PTPRN2: variants seen among roughly 807,000 people sequenced by gnomAD.
PTPRN2 encodes the protein receptor-type tyrosine-protein phosphatase N2.
A neutral mutation model predicts 118.8 loss-of-function variants in PTPRN2; 74 were observed. The ratio of observed to expected loss-of-function variants is 0.62; its 90% CI spans 0.52 to 0.76. The LOEUF (loss-of-function observed/expected upper bound fraction) is 0.76, where lower values mean the gene tolerates loss of function less well. Ranked by LOEUF, PTPRN2 falls within the 30% of genes least tolerant of loss-of-function variation. The pLI, the probability that PTPRN2 is intolerant of heterozygous loss-of-function variation, is 0.00. For missense variants in PTPRN2, 1,481 were observed against 1,394.4 expected, an observed-to-expected ratio of 1.06 and a Z score of -0.99; for synonymous variants, 641 against 608.0, an observed-to-expected ratio of 1.05 and a Z score of -0.80.
intron 12 of PTPRN2, among the ~76,000 whole-genome samples, chr7:157,791,865 G>A (rs915358940): frequency 1.4e-4 from 22 of 152,262 alleles, no homozygotes; most frequent in African/African-American, 5.3e-4. Flanking sequence ...CACGCTCGGA[G>A]CGCACCCAAG....
chr7:158,363,113 T>A (rs1383229645), intron 2 of PTPRN2, among the ~76,000 whole-genome samples: 1 of 152,136 alleles, frequency 6.6e-6, no homozygotes, highest in African/African-American at 2.4e-5. Context: ...GAAAGCCCTT[T>A]CCCTGGGGCC....
intron 2 of PTPRN2, among the ~76,000 whole-genome samples, chr7:158,412,726 C>A (rs113944362): frequency 8.1e-6 from 1 of 123,198 alleles, no homozygotes; most frequent in Non-Finnish European, 1.7e-5. Context: ...GCCCATCCAG[C>A]GCCCTCCTCA....
intron 2 of PTPRN2, among the ~76,000 whole-genome samples, chr7:158,363,712 G>A (rs1404003137): frequency 6.6e-6 from 1 of 152,194 alleles, no homozygotes; most frequent in Non-Finnish European, 1.5e-5. Flanking sequence ...GAGCTCTGAG[G>A]TGAGAGAGCC....
intron 9 of PTPRN2, among the ~76,000 whole-genome samples, chr7:158,132,244 A>G (rs777490697): frequency 1.5e-4 from 22 of 151,704 alleles, no homozygotes; most frequent in Non-Finnish European, 2.4e-4. Flanking sequence ...TACGGATAAC[A>G]CATCTACCCG....
At chr7:157,683,001 GTCTC>G in intron 12 of PTPRN2, 64 bp from the exon 13 acceptor site, 1 of 1,354,022 alleles carries the variant, frequency 7.4e-7, no homozygotes, top group Admixed American at 1.9e-5. Context: ...AAAAACACAC[GTCTC>G]CAAATGCAAC....
At chr7:158,198,044 A>G (rs1826346841) in intron 4 of PTPRN2, among the ~76,000 whole-genome samples, 1 of 152,188 alleles carries the variant, frequency 6.6e-6, no homozygotes. Flanking sequence ...TTTTTTAATT[A>G]ATGAAATTTC....
At chr7:158,190,304 T>C (rs1262430154) in intron 5 of PTPRN2, among the ~76,000 whole-genome samples, 1 of 152,172 alleles carries the variant, frequency 6.6e-6, no homozygotes, top group African/African-American at 2.4e-5. Context: ...AAATCCACCT[T>C]CTGCATCCAC....
rs185576132 is a variant in PTPRN2, at chr7:158,024,542, C to T, written c.1723+56756G>A. On this transcript the variant is annotated intron_variant, in intron 11 of 22. Coordinates refer to ENST00000389418, the MANE Select transcript of PTPRN2 (RefSeq NM_002847.5). ...GTGCAGCTGTGATTCTAGGGACACT[C>T]GCTGCCCACGTCCTCCACAAGGTCA... is the stretch of plus-strand genomic sequence containing the variant. Among the ~76,000 whole-genome samples the T allele has an allele frequency of 1.4e-4, 21 of 152,348 alleles. No individual in the cohort carries two copies. The East Asian group carries it at 3.1e-3, about 22-fold the overall frequency.
Position 158,555,955 on chromosome 7 carries a change from G to C in PTPRN2, c.112+31603C>G, listed in dbSNP as rs911794632. ...CTAGGTACAGAGTTGGCACCAAATG[G>C]CTTTCTCCTACAAAATCAAAACAGC... On this transcript the variant is annotated intron_variant, in intron 1 of 22. Coordinates refer to ENST00000389418, the MANE Select transcript of PTPRN2 (RefSeq NM_002847.5). This position sits in a 1 kb window ranked among gnomAD's most constrained non-coding sequence, Gnocchi z 4.7. Among the ~76,000 whole-genome samples, 1 of 152,186 alleles carries C rather than the reference G, an allele frequency of 6.6e-6. No individual in the cohort carries two copies. Among genetic ancestry groups the C allele is most frequent in the Admixed American group, 6.5e-5 (1 of 15,280 alleles).
intron 22 of PTPRN2, among the ~76,000 whole-genome samples, chr7:157,548,611 C>T (rs1217118930): frequency 6.6e-6 from 1 of 152,252 alleles, no homozygotes; most frequent in African/African-American, 2.4e-5. Flanking sequence ...GAACATCCTC[C>T]TGAGGGTTCT....
chr7:158,118,762 C>T (rs920006979), intron 9 of PTPRN2, among the ~76,000 whole-genome samples: 5 of 152,200 alleles, frequency 3.3e-5, no homozygotes, highest in African/African-American at 9.7e-5. Context: ...AGTGCAGTGG[C>T]ATGATCGTTG....
intron 1 of PTPRN2, among the ~76,000 whole-genome samples, chr7:158,581,010 A>C (rs564447559): frequency 6.6e-6 from 1 of 152,356 alleles, no homozygotes; most frequent in Admixed American, 6.5e-5. Flanking sequence ...AGAGCACTTT[A>C]AAATCTCCGT....
At chr7:157,679,176 T>C (rs1405207914) in intron 13 of PTPRN2, among the ~76,000 whole-genome samples, 1 of 152,142 alleles carries the variant, frequency 6.6e-6, no homozygotes, top group Non-Finnish European at 1.5e-5. Context: ...GTCAATAAAA[T>C]TGGATTTTTA....
chr7:157,788,374 C>CAAAAA (rs749886375), intron 12 of PTPRN2, among the ~76,000 whole-genome samples: 1 of 75,550 alleles, frequency 1.3e-5, no homozygotes, highest in Non-Finnish European at 2.7e-5. Flanking sequence ...GACTCCATCT[C>CAAAAA]AAAAAAAAAA....
At chr7:158,376,836 C>A (rs1810566969) in intron 2 of PTPRN2, among the ~76,000 whole-genome samples, 1 of 93,710 alleles carries the variant, frequency 1.1e-5, no homozygotes, top group Non-Finnish European at 2.1e-5. Flanking sequence ...ACACATCCTG[C>A]ACGCGGGGTC....
intron 7 of PTPRN2, 71 bp from the exon 8 acceptor site, chr7:158,136,766 G>T: frequency 6.7e-7 from 1 of 1,484,152 alleles, no homozygotes; most frequent in Non-Finnish European, 9.4e-7. Context: ...GACATAAAAA[G>T]GGTGACCCTG....
At chr7:158,196,678 C>T (rs1226633419) in intron 4 of PTPRN2, among the ~76,000 whole-genome samples, 7 of 152,192 alleles carry the variant, frequency 4.6e-5, no homozygotes, top group African/African-American at 1.4e-4. Context: ...ACCCCTGGGG[C>T]CCTGCCCACG....
At chr7:158,478,389 C>T (rs1005478758) in intron 2 of PTPRN2, among the ~76,000 whole-genome samples, 1 of 152,080 alleles carries the variant, frequency 6.6e-6, no homozygotes, top group African/African-American at 2.4e-5. Context: ...CGGTGCTGTG[C>T]GTAGGGTGAG....
At chr7:157,741,845 T>C (rs1800651281) in intron 12 of PTPRN2, among the ~76,000 whole-genome samples, 1 of 152,246 alleles carries the variant, frequency 6.6e-6, no homozygotes, top group Non-Finnish European at 1.5e-5. Flanking sequence ...CTAGCTCAGT[T>C]ACTTCTCTGC....
Sources: allele counts gnomAD v4.1 joint callset (sites outside exome capture counted in the v4.1 genomes callset), GRCh38; gene constraint gnomAD v4.1.1; non-coding constraint Gnocchi (gnomAD v3.1); transcripts MANE v1.5; gene names NCBI Gene and HGNC (gene_info 2026-07-23, HGNC 2026-07-21).